Variants in HPSE2 observed in about 807,000 individuals in gnomAD.
HPSE2 encodes heparanase 2 (inactive), also known as inactive heparanase-2.
Under a neutral mutation model 60.5 loss-of-function variants are expected in HPSE2, and 38 were observed. The observed-to-expected ratio is 0.63, with a 90% CI of 0.48 to 0.82. The LOEUF is 0.82. Among genes scored for constraint, HPSE2 ranks in the 40% least tolerant of loss-of-function variants. HPSE2 has a pLI of 0.00. For synonymous variants in HPSE2, 295 were observed against 293.2 expected (o/e 1.01, Z -0.06); for missense variants, 713 against 740.4 (o/e 0.96, Z 0.43).
At chr10:99,028,806 G>A (rs1957434752) in intron 3 of HPSE2, among the ~76,000 whole-genome samples, 1 of 152,092 alleles carries the variant, frequency 6.6e-6, no homozygotes, top group Non-Finnish European at 1.5e-5. Flanking sequence ...CAATGGAACA[G>A]AATGGAGAAC....
chr10:99,132,825 G>A (rs889455008), intron 3 of HPSE2, among the ~76,000 whole-genome samples: 12 of 152,262 alleles, frequency 7.9e-5, no homozygotes, highest in African/African-American at 2.9e-4. Context: ...GGCAGATAAC[G>A]AATTAGGTGC....
At chr10:98,926,570 C>G (rs932978417) in intron 3 of HPSE2, among the ~76,000 whole-genome samples, 11 of 152,214 alleles carry the variant, frequency 7.2e-5, no homozygotes, top group Non-Finnish European at 1.3e-4. Context: ...ACCTGTCTGC[C>G]TAAATACCTT....
chr10:99,087,702 C>CT (rs1186453001), intron 3 of HPSE2, among the ~76,000 whole-genome samples: 1 of 152,114 alleles, frequency 6.6e-6, no homozygotes, highest in Non-Finnish European at 1.5e-5. Context: ...GTCCTGACGA[C>CT]TAGCCCACAG....
At chr10:98,481,747 C>G (rs1409384912) in intron 11 of HPSE2, among the ~76,000 whole-genome samples, 1 of 152,188 alleles carries the variant, frequency 6.6e-6, no homozygotes, top group African/African-American at 2.4e-5. Context: ...TTGTGGGCAG[C>G]TGTTGGAGTG....
intron 2 of HPSE2, among the ~76,000 whole-genome samples, chr10:99,163,697 A>T (rs1289719152): frequency 6.6e-6 from 1 of 151,884 alleles, no homozygotes. Context: ...CCAGAATCCC[A>T]TATTGCATTA....
intron 10 of HPSE2, among the ~76,000 whole-genome samples, chr10:98,486,963 T>G (rs1046394957): frequency 6.6e-6 from 1 of 152,236 alleles, no homozygotes; most frequent in Admixed American, 6.5e-5. Flanking sequence ...AGGAACCATT[T>G]TTATGAGTCT....
chr10:98,518,559 T>G (rs780171794), intron 9 of HPSE2, among the ~76,000 whole-genome samples: 1 of 151,752 alleles, frequency 6.6e-6, no homozygotes, highest in African/African-American at 2.4e-5. Flanking sequence ...TGAAAAAAAA[T>G]TAGCTGGGCG....
At chr10:98,942,289 A>T (rs1955032090) in intron 3 of HPSE2, among the ~76,000 whole-genome samples, 1 of 143,476 alleles carries the variant, frequency 7.0e-6, no homozygotes, top group Admixed American at 6.9e-5. Context: ...TAGAGTGAAC[A>T]GGAAACCTAT....
chr10:98,548,610 C>G (rs952530413), intron 9 of HPSE2, among the ~76,000 whole-genome samples: 1 of 125,958 alleles, frequency 7.9e-6, no homozygotes, highest in Admixed American at 8.9e-5. Flanking sequence ...GAGTGAGACT[C>G]CATCTCAAAA....
At position 98,620,494 on chromosome 10, in the gene HPSE2, G is replaced by A. The variant is rs149175641; in HGVS notation, c.1205+108C>T. ...TGAATGAATGAAATGAACTTTCAAC[G>A]GGAAACATGCCTCACCCCTAGGATG... is the stretch of plus-strand genomic sequence containing the variant. On this transcript the variant is annotated intron_variant, in intron 8 of 11. Transcript: ENST00000370552. The A allele has an allele frequency of 3.4e-3, 2,640 of 784,058 alleles. 4 individuals carry two copies. Among genetic ancestry groups the A allele is most frequent in the Non-Finnish European group, 4.5e-3 (2,028 of 447,686 alleles). The allele number at this position is 784,058 out of a possible 1,614,324, so 48.6% of individuals were successfully genotyped here.
rs572252519 is a variant in HPSE2 at position 98,804,043 on chromosome 10, T to G, written c.611-59987A>C. On this transcript the variant is annotated intron_variant, in intron 3 of 11. Coordinates refer to ENST00000370552, the MANE Select transcript of HPSE2 (RefSeq NM_021828.5). ...TCCTTGAAGAGGTCCTTCACGTCCC[T>G]TGTAAGTTGGATTCCTAGGTATTTT... Among the ~76,000 whole-genome samples the G allele has an allele frequency of 6.7e-4, 102 of 152,182 alleles. 1 individual carries two copies. Among genetic ancestry groups the G allele is most frequent in the Non-Finnish European group, 3.2e-4 (22 of 67,996 alleles).
At chr10:98,726,089 G>T (rs1203831774) in intron 4 of HPSE2, among the ~76,000 whole-genome samples, 3 of 152,242 alleles carry the variant, frequency 2.0e-5, no homozygotes, top group Non-Finnish European at 2.9e-5. Context: ...ATTCCTCAGG[G>T]ATCTAGAACT....
intron 9 of HPSE2, among the ~76,000 whole-genome samples, chr10:98,537,065 T>A (rs1943305403): frequency 6.6e-6 from 1 of 152,098 alleles, no homozygotes; most frequent in Admixed American, 6.5e-5. Context: ...AGAAAATGGA[T>A]TGAAAGAGAG....
chr10:99,293,436 G>A, the HPSE2 span, among the ~76,000 whole-genome samples: 1 of 152,118 alleles, frequency 6.6e-6, no homozygotes, highest in South Asian at 2.1e-4. Flanking sequence ...ATAAAAATAA[G>A]AATTTGAAAA....
intron 2 of HPSE2, among the ~76,000 whole-genome samples, chr10:99,165,642 G>C (rs1056193559): frequency 6.6e-6 from 1 of 151,936 alleles, no homozygotes; most frequent in Admixed American, 6.6e-5. Context: ...CACCTCCTGG[G>C]TTCAAGTGAT....
chr10:99,021,190 C>A (rs772551258), intron 3 of HPSE2, among the ~76,000 whole-genome samples: 20 of 152,126 alleles, frequency 1.3e-4, no homozygotes, highest in Non-Finnish European at 2.5e-4. Context: ...TTACTTAATG[C>A]ATAAATGGTG....
At chr10:99,174,861 C>T (rs1377717156) in intron 2 of HPSE2, among the ~76,000 whole-genome samples, 1 of 152,182 alleles carries the variant, frequency 6.6e-6, no homozygotes. Flanking sequence ...CTGTAGCTCC[C>T]AGTGACATCA....
At chr10:98,646,574 C>G (rs867296151) in intron 6 of HPSE2, among the ~76,000 whole-genome samples, 27 of 152,252 alleles carry the variant, frequency 1.8e-4, no homozygotes, top group Middle Eastern at 3.4e-3. Flanking sequence ...AGGTCTGTCT[C>G]ACCCAATGCC....
intron 9 of HPSE2, among the ~76,000 whole-genome samples, chr10:98,572,887 C>T (rs997781726): frequency 1.3e-5 from 2 of 152,156 alleles, no homozygotes; most frequent in East Asian, 1.9e-4. Context: ...TTTCTACTGA[C>T]GTGTACTAGG....
Sources: gnomAD v4.1 joint callset for allele counts (sites outside exome capture counted in the v4.1 genomes callset) on GRCh38, gnomAD v4.1.1 for gene constraint, MANE v1.5 for transcripts, NCBI Gene and HGNC (gene_info 2026-07-23, HGNC 2026-07-21) for gene names.